PPFIA2: variants seen among roughly 807,000 people sequenced by gnomAD.
The protein encoded by PPFIA2 is liprin-alpha-2.
Under a neutral mutation model 175.5 loss-of-function variants are expected in PPFIA2, and 46 were observed. The observed-to-expected ratio is 0.26, with a 90% CI of 0.21 to 0.34. The LOEUF is 0.34. Ranked by LOEUF, PPFIA2 falls within the 10% of genes least tolerant of loss-of-function variation. PPFIA2 has a pLI of 1.00. For missense variants in PPFIA2, 1,179 were observed against 1,506.1 expected (o/e 0.78, Z 3.60); for synonymous variants, 568 against 511.4 (o/e 1.11, Z -1.49).
intron 4 of PPFIA2, among the ~76,000 whole-genome samples, chr12:81,653,103 C>A (rs1428706910): frequency 6.6e-6 from 1 of 152,096 alleles, no homozygotes; most frequent in African/African-American, 2.4e-5. Context: ...TAGCCTAGCC[C>A]TTTACCAGAT....
rs753248563 is a variant in PPFIA2, at chr12:81,263,369, G to A, written c.3577C>T (p.Arg1193Cys). ...AACTGCCTTCTCCAGGTTGATCCAC[G>A]TCTGAAGTTCTTGTCATCACTCTGC... ...LDESDDKNFR[R>C]GSTWRRQFPP... Residue 1193 changes from arginine to cysteine, a missense_variant, in exon 31 of 33, where the codon CGT becomes TGT. Physicochemically the swap from Arg to Cys is radical, Grantham distance 180. Around this residue, in one of 10 missense-constraint regions of PPFIA2, gnomAD observed 245 missense variants for 375.1 expected, o/e 0.65. Transcript: ENST00000549396. The A allele has an allele frequency of 1.7e-5, 28 of 1,613,220 alleles. No individual in the cohort carries two copies. The highest frequency in any genetic ancestry group is 5.3e-5 in the African/African-American group (4 of 74,900).
chr12:81,458,395 A>G (rs1417914784), intron 4 of PPFIA2, among the ~76,000 whole-genome samples: 1 of 151,846 alleles, frequency 6.6e-6, no homozygotes, highest in Non-Finnish European at 1.5e-5. Context: ...ATTTGATAGC[A>G]TTATCTAAGA....
chr12:81,529,965 TTAAAA>T (rs1187443788), intron 4 of PPFIA2, among the ~76,000 whole-genome samples: 2 of 151,804 alleles, frequency 1.3e-5, no homozygotes, highest in African/African-American at 2.4e-5. Context: ...ACCCCTGAAC[TTAAAA>T]TAAAAGTTTT....
intron 4 of PPFIA2, among the ~76,000 whole-genome samples, chr12:81,468,505 T>G (rs2056145676): frequency 1.3e-5 from 2 of 152,144 alleles, no homozygotes; most frequent in Admixed American, 1.3e-4. Flanking sequence ...GCATATTAAT[T>G]TAAAAGACTT....
chr12:81,736,457 G>A lies in PPFIA2; in HGVS notation c.249+17516C>T, dbSNP rs554908270. ...GTTGGGTTTATTTGTGGACATAGACGCATTTTAATAAAGGCAGTAACACAG... is the reference window on the plus strand; with the variant it reads ...GTTGGGTTTATTTGTGGACATAGACACATTTTAATAAAGGCAGTAACACAG... On this transcript the variant is annotated intron_variant, in intron 3 of 32. Transcript: ENST00000549396. Among the ~76,000 whole-genome samples, 57 of 152,018 alleles carry A rather than the reference G, an allele frequency of 3.7e-4. No individual in the cohort carries two copies. In the Middle Eastern group the frequency reaches 0.014, roughly 36 times the overall value.
intron 4 of PPFIA2, among the ~76,000 whole-genome samples, chr12:81,579,639 C>T (rs191708517): frequency 4.0e-5 from 6 of 151,794 alleles, no homozygotes; most frequent in Non-Finnish European, 5.9e-5. Context: ...AATTGGCTTA[C>T]GAAGGAAATA....
intron 4 of PPFIA2, among the ~76,000 whole-genome samples, chr12:81,554,491 T>C (rs908796108): frequency 7.9e-5 from 12 of 152,018 alleles, no homozygotes; most frequent in African/African-American, 2.9e-4. Context: ...AATTTTCTTA[T>C]TATAATGGAG....
rs1522323 is a variant in PPFIA2 at position 81,384,494 on chromosome 12, A to C, written c.763-250T>G. The stretch of plus-strand genomic sequence containing the variant: ...AAATATGCTATGCTATGCTCTCTCT[A>C]TATATAAAACATAGCATAAAACATT... On this transcript the variant is annotated intron_variant, in intron 8 of 32. Transcript: ENST00000549396. Among the ~76,000 whole-genome samples, 24,339 of 151,944 alleles carry C rather than the reference A, an allele frequency of 0.16. 2,705 individuals carry two copies. Among genetic ancestry groups the C allele is most frequent in the East Asian group, 0.42 (2,137 of 5,142 alleles).
At chr12:81,444,869 G>T (rs1341961316) in intron 6 of PPFIA2, among the ~76,000 whole-genome samples, 1 of 151,964 alleles carries the variant, frequency 6.6e-6, no homozygotes, top group Non-Finnish European at 1.5e-5. Context: ...GAAATTTCAC[G>T]AAATTGAAAT....
rs202055352 is a variant in PPFIA2 at position 81,642,647 on chromosome 12, C to CATGTAT, written c.303+34138_303+34143dup. On this transcript the variant is annotated intron_variant, in intron 4 of 32. Transcript: ENST00000549396. ...ATACTATATATCTATTATATACATA[C>CATGTAT]ATGTATGTATCTATTATATACATAC... Among the ~76,000 whole-genome samples, 4 of 80,496 alleles carry CATGTAT rather than the reference C, an allele frequency of 5.0e-5. 2 individuals are homozygous for CATGTAT. The East Asian group carries it at 2.6e-3, about 51-fold the overall frequency. The allele number at this position is 80,496 out of a possible 152,430, so 52.8% of individuals were successfully genotyped here.
At chr12:81,288,078 T>A (rs528745949) in intron 24 of PPFIA2, among the ~76,000 whole-genome samples, 13 of 151,922 alleles carry the variant, frequency 8.6e-5, no homozygotes, top group African/African-American at 3.1e-4. Context: ...TATTATCAAA[T>A]TAGAATCAAG....
intron 3 of PPFIA2, among the ~76,000 whole-genome samples, chr12:81,711,857 A>T (rs2077973518): frequency 6.6e-6 from 1 of 150,702 alleles, no homozygotes. Flanking sequence ...TCAGTGCCCC[A>T]ATGCAAAGCT....
intron 4 of PPFIA2, among the ~76,000 whole-genome samples, chr12:81,459,945 G>T (rs1052355396): frequency 1.3e-5 from 2 of 152,072 alleles, no homozygotes; most frequent in African/African-American, 4.8e-5. Flanking sequence ...CAAGCCATAG[G>T]GAGTGAGTTA....
At chr12:81,692,961 C>A (rs2075429988) in intron 3 of PPFIA2, among the ~76,000 whole-genome samples, 1 of 151,954 alleles carries the variant, frequency 6.6e-6, no homozygotes, top group South Asian at 2.1e-4. Flanking sequence ...GCCTAGTTGA[C>A]AATAATGTTT....
In PPFIA2 at chr12:81,546,715, G is replaced by T. The variant is rs1159602482; in HGVS notation, c.304-88849C>A. ...AAATATGTGCTATTTATTATGCATT[G>T]ACTTTCTCTTACCTCTTTTTTTTTT... On this transcript the variant is annotated intron_variant, in intron 4 of 32. Coordinates refer to ENST00000549396, the MANE Select transcript of PPFIA2 (RefSeq NM_003625.5). Among the ~76,000 whole-genome samples the T allele has an allele frequency of 3.3e-5, 5 of 151,630 alleles. No individual in the cohort carries two copies. The East Asian group carries it at 7.8e-4, about 24-fold the overall frequency.
At chr12:81,412,701 T>C (rs2044211375) in intron 7 of PPFIA2, among the ~76,000 whole-genome samples, 1 of 151,984 alleles carries the variant, frequency 6.6e-6, no homozygotes, top group Non-Finnish European at 1.5e-5. Flanking sequence ...ACAAGCTATT[T>C]AACCTCAAGT....
chr12:81,551,252 T>C (rs1594833548), intron 4 of PPFIA2, among the ~76,000 whole-genome samples: 2 of 152,042 alleles, frequency 1.3e-5, no homozygotes, highest in East Asian at 1.9e-4. Flanking sequence ...AATGAAATTC[T>C]GGGGTGAGCC....
chr12:81,650,604 ATTAGT>A (rs1038644109), intron 4 of PPFIA2, among the ~76,000 whole-genome samples: 3 of 152,206 alleles, frequency 2.0e-5, no homozygotes, highest in Admixed American at 1.3e-4. Flanking sequence ...GTAAAACTAG[ATTAGT>A]TTAGGGAGGT....
At chr12:81,385,653 A>G (rs1281495483) in intron 8 of PPFIA2, among the ~76,000 whole-genome samples, 2 of 152,178 alleles carry the variant, frequency 1.3e-5, no homozygotes, top group Admixed American at 1.3e-4. Context: ...AGAATCTAAA[A>G]AGTCAAACTC....
Sources: gnomAD v4.1 joint callset for allele counts (sites outside exome capture counted in the v4.1 genomes callset) on GRCh38, gnomAD v4.1.1 for gene constraint, gnomAD v4.1.1 regional missense constraint, MANE v1.5 for transcripts, NCBI Gene and HGNC (gene_info 2026-07-23, HGNC 2026-07-21) for gene names.